Variants in NSD1 observed in about 807,000 individuals in gnomAD.
NSD1 encodes the protein histone-lysine N-methyltransferase, H3 lysine-36 specific.
A neutral mutation model predicts 242.7 loss-of-function variants in NSD1; 26 were observed. The ratio of observed to expected loss-of-function variants is 0.11; its 90% CI spans 0.08 to 0.15. NSD1 has a LOEUF of 0.15. Ranked by LOEUF, NSD1 falls within the 10% of genes least tolerant of loss-of-function variation. The pLI is 1.00. For missense variants in NSD1, 2,495 were observed against 3,272.8 expected (o/e 0.76, Z 5.80); for synonymous variants, 1,106 against 1,178.1 (o/e 0.94, Z 1.25).
intron 2 of NSD1, among the ~76,000 whole-genome samples, chr5:177,145,233 T>C (rs1172974102): frequency 6.6e-6 from 1 of 152,184 alleles, no homozygotes; most frequent in African/African-American, 2.4e-5. Context: ...TCCCTTTTGG[T>C]TAATATGTTA....
chr5:177,269,564 C>A lies in NSD1; in HGVS notation c.5304-38C>A. 1 of 1,588,622 alleles carries A rather than the reference C, an allele frequency of 6.3e-7. No homozygotes were observed. The highest frequency in any genetic ancestry group is 1.1e-5 in the South Asian group (1 of 90,514). ...GGTTATTTTCCTAATGCCTTGCAGC[C>A]TTCTAGAGGTTTTCCTTCTCCTTTT... On this transcript the variant is annotated intron_variant, in intron 15 of 22. Coordinates refer to ENST00000439151, the MANE Select transcript of NSD1 (RefSeq NM_022455.5). The surrounding 1 kb of genome is among the most constrained non-coding windows in gnomAD (Gnocchi z 5.1).
chr5:177,146,675 C>T (rs2149770988), intron 2 of NSD1, among the ~76,000 whole-genome samples: 1 of 152,054 alleles, frequency 6.6e-6, no homozygotes, highest in South Asian at 2.1e-4. Flanking sequence ...TTTTTATCAC[C>T]TGTATAGGTT....
intron 2 of NSD1, among the ~76,000 whole-genome samples, chr5:177,146,526 T>A (rs1274790180): frequency 6.6e-6 from 1 of 152,102 alleles, no homozygotes; most frequent in Non-Finnish European, 1.5e-5. Context: ...GCATTGACGT[T>A]CATGTAATTT....
Position 177,267,599 on chromosome 5 carries a change from T to G in NSD1, c.5184T>G (p.Ala1728=). ...TGTGCTGTGATTCTTGCCCTGCTGC[T>G]TTTCATCGTGAATGCCTGAACATTG... is the stretch of plus-strand genomic sequence containing the variant. The part of the protein sequence containing the change: ...SLLCCDSCPA[A]FHRECLNIDI... The change falls in exon 15 of 23, where the codon GCT becomes GCG. Residue 1728 remains alanine, a synonymous_variant. Coordinates refer to ENST00000439151, the MANE Select transcript of NSD1 (RefSeq NM_022455.5). 6.2e-7 allele frequency: 1 copy of G among 1,614,174 alleles called. No homozygotes were observed. The highest frequency in any genetic ancestry group is 8.5e-7 in the Non-Finnish European group (1 of 1,180,018).
At chr5:177,141,332 T>TA (rs1385396596) in intron 2 of NSD1, among the ~76,000 whole-genome samples, 2 of 137,490 alleles carry the variant, frequency 1.5e-5, no homozygotes, top group African/African-American at 5.5e-5. Context: ...TTTTTTTTTT[T>TA]TTTTTTTTTT....
Position 177,283,678 on chromosome 5 carries a change from G to A in NSD1, c.6010-109G>A, listed in dbSNP as rs1285620849. The A allele has an allele frequency of 2.4e-6, 3 of 1,250,612 alleles. No homozygotes were observed. The African/African-American group carries it at 4.4e-5, about 18-fold the overall frequency. The allele number at this position is 1,250,612 out of a possible 1,614,324, so 77.5% of individuals were successfully genotyped here. ...TTCTTTGGGATCTTTTCTCTGAGAG[G>A]TTCAGTCTTTACAAATAGAAACTCC... On this transcript the variant is annotated intron_variant, in intron 19 of 22. Coordinates refer to ENST00000439151, the MANE Select transcript of NSD1 (RefSeq NM_022455.5).
chr5:177,211,253 G>T lies in NSD1; in HGVS notation c.2854G>T (p.Val952Phe). Residue 952 changes from valine (V) to phenylalanine (F), a missense_variant, in exon 5 of 23, where the codon GTC becomes TTC. By Grantham distance (50) the Val-to-Phe change is conservative (BLOSUM62 -1). This residue lies in a region of NSD1 where 121 missense variants were observed against 167.2 expected (regional missense o/e 0.72). Transcript: ENST00000439151. The part of the protein sequence containing the change: ...GDCSTNSPVG[V>F]SKVLVSGGST... ...CTGTTCTACTAATAGTCCTGTAGGAGTCTCTAAGGTTTTGGTTTCAGGAGG... is the reference window on the plus strand; with the variant it reads ...CTGTTCTACTAATAGTCCTGTAGGATTCTCTAAGGTTTTGGTTTCAGGAGG... 6.2e-7 allele frequency: 1 copy of T among 1,614,050 alleles called. No homozygotes were observed. Among genetic ancestry groups the T allele is most frequent in the South Asian group, 1.1e-5 (1 of 91,072 alleles).
chr5:177,282,871 G>A (rs1175793168), intron 19 of NSD1, among the ~76,000 whole-genome samples: 1 of 152,148 alleles, frequency 6.6e-6, no homozygotes, highest in East Asian at 1.9e-4. Flanking sequence ...ACTCAGAAAA[G>A]TACATAATTC....
intron 1 of NSD1, 47 bp from the exon 2 acceptor site, chr5:177,135,040 C>T: frequency 4.0e-6 from 6 of 1,518,132 alleles, no homozygotes; most frequent in Non-Finnish European, 5.5e-6. Flanking sequence ...AGAGTCGAGT[C>T]AGATGGCCTA....
At chr5:177,137,753 C>A (rs138195936) in intron 2 of NSD1, among the ~76,000 whole-genome samples, 4 of 151,730 alleles carry the variant, frequency 2.6e-5, no homozygotes, top group Non-Finnish European at 5.9e-5. Flanking sequence ...ACCTGTTTCT[C>A]GTCAAAGAGA....
Position 177,210,438 on chromosome 5 carries a change from A to T in NSD1, c.2039A>T (p.Lys680Ile). 1 of 1,614,212 alleles carries T rather than the reference A, an allele frequency of 6.2e-7. No homozygotes were observed. The highest frequency in any genetic ancestry group is 1.6e-4 in the Middle Eastern group (1 of 6,062). Residue 680 changes from lysine to isoleucine, a missense_variant, in exon 5 of 23, where the codon AAA (lysine) becomes ATA (isoleucine). Transcript: ENST00000439151. ...ACAGAGAACATGTTATCTATGCAGA[A>T]AAATGAAAAGATAAAGTATTCTAGG... ...DRTENMLSMQ[K>I]NEKIKYSRFA...
At chr5:177,146,173 C>CAGAATATTG (rs1207632310) in intron 2 of NSD1, among the ~76,000 whole-genome samples, 2 of 149,048 alleles carry the variant, frequency 1.3e-5, no homozygotes, top group Non-Finnish European at 3.0e-5. Flanking sequence ...ACCACACAAC[C>CAGAATATTG]AGAATATTGA....
At chr5:177,144,979 G>C (rs1757115473) in intron 2 of NSD1, among the ~76,000 whole-genome samples, 1 of 151,688 alleles carries the variant, frequency 6.6e-6, no homozygotes, top group African/African-American at 2.4e-5. Context: ...CAGCTACTCA[G>C]GAGGCTGATG....
chr5:177,217,103 G>A (rs1763834753), intron 5 of NSD1, among the ~76,000 whole-genome samples: 1 of 151,876 alleles, frequency 6.6e-6, no homozygotes, highest in Admixed American at 6.6e-5. Flanking sequence ...TTGGGTAGTA[G>A]GGATATCTTA....
At chr5:177,279,610 A>ATTTTTTTTTTT (rs536478404) in intron 17 of NSD1, among the ~76,000 whole-genome samples, 4 of 95,416 alleles carry the variant, frequency 4.2e-5, no homozygotes, top group Non-Finnish European at 5.9e-5. Flanking sequence ...AGCTTTGAAA[A>ATTTTTTTTTTT]TTTTTTTTTT....
chr5:177,137,891 C>T (rs1756470821), intron 2 of NSD1, among the ~76,000 whole-genome samples: 1 of 151,982 alleles, frequency 6.6e-6, no homozygotes, highest in Admixed American at 6.6e-5. Flanking sequence ...TGAGACCAGT[C>T]TGGCCAACAT....
At chr5:177,283,949 C>T (rs577797440) in intron 20 of NSD1, 21 bp downstream of exon 20, 1 of 1,614,040 alleles carries the variant, frequency 6.2e-7, no homozygotes, top group East Asian at 2.2e-5. Context: ...TTTCAGGATT[C>T]TGCAGCTGAC....
intron 8 of NSD1, 94 bp downstream of exon 8, chr5:177,239,959 C>A: frequency 1.3e-6 from 1 of 741,048 alleles, no homozygotes. Flanking sequence ...CATTGATGTA[C>A]ATACATATAG....
intron 4 of NSD1, 21 bp from the exon 5 acceptor site, chr5:177,209,615 T>G (rs1763174723): frequency 6.3e-7 from 1 of 1,595,706 alleles, no homozygotes; most frequent in African/African-American, 1.3e-5. Context: ...GTGATAATTC[T>G]TTTTCTCCTT....
Sources: allele counts gnomAD v4.1 joint callset (sites outside exome capture counted in the v4.1 genomes callset), GRCh38; gene constraint gnomAD v4.1.1; regional missense constraint gnomAD v4.1.1; non-coding constraint Gnocchi (gnomAD v3.1); transcripts MANE v1.5; gene names NCBI Gene and HGNC (gene_info 2026-07-23, HGNC 2026-07-21).